The following ROBO1 variants were observed in gnomAD, a reference collection of about 807,000 sequenced individuals.
The protein encoded by ROBO1 is roundabout homolog 1.
In ROBO1, 149 loss-of-function variants were observed where a neutral mutation model predicts 195.9. The observed-to-expected ratio is 0.76, with a 90% confidence interval of 0.67 to 0.87. ROBO1 has a LOEUF of 0.87. ROBO1 is among the 40% of genes least tolerant of loss of function. The pLI is 0.00. For missense variants in ROBO1, 1,933 were observed against 2,068.3 expected (o/e 0.93, Z 1.27); for synonymous variants, 816 against 733.2 (o/e 1.11, Z -1.82).
chr3:79,204,423 T>G (rs1263525662), intron 2 of ROBO1, among the ~76,000 whole-genome samples: 3 of 152,042 alleles, frequency 2.0e-5, no homozygotes, highest in Non-Finnish European at 4.4e-5. Flanking sequence ...GTGTGTAACC[T>G]CCATTCTTTA....
At chr3:78,602,622 G>T (rs1703242756) in intron 29 of ROBO1, among the ~76,000 whole-genome samples, 1 of 151,994 alleles carries the variant, frequency 6.6e-6, no homozygotes, top group African/African-American at 2.4e-5. Flanking sequence ...TGTATGCTTT[G>T]CGTGCTGATA....
chr3:78,712,343 T>A (rs2081783064), intron 8 of ROBO1, among the ~76,000 whole-genome samples: 1 of 152,198 alleles, frequency 6.6e-6, no homozygotes, highest in Non-Finnish European at 1.5e-5. Flanking sequence ...TGAATTTTTT[T>A]AACTGTAATT....
At chr3:79,451,297 G>A (rs1295159326) in intron 2 of ROBO1, among the ~76,000 whole-genome samples, 1 of 152,006 alleles carries the variant, frequency 6.6e-6, no homozygotes, top group Non-Finnish European at 1.5e-5. Context: ...GGGAGATGAA[G>A]CTCAAATGAA....
intron 2 of ROBO1, among the ~76,000 whole-genome samples, chr3:79,231,926 G>C (rs1452695787): frequency 6.6e-6 from 1 of 152,046 alleles, no homozygotes; most frequent in Admixed American, 6.6e-5. Context: ...GACATGGATG[G>C]AACTGGGGGC....
chr3:79,194,282 T>C (rs1465465465), intron 2 of ROBO1, among the ~76,000 whole-genome samples: 1 of 151,730 alleles, frequency 6.6e-6, no homozygotes, highest in Non-Finnish European at 1.5e-5. Context: ...GTATGTACTG[T>C]TGCTCACATT....
chr3:78,915,733 TG>T (rs1324339986), intron 4 of ROBO1, among the ~76,000 whole-genome samples: 1 of 152,098 alleles, frequency 6.6e-6, no homozygotes, highest in Non-Finnish European at 1.5e-5. Context: ...TGGACTGCAG[TG>T]GGATGATCAC....
rs200428614 is a variant in ROBO1, at chr3:78,890,931, T to A, written c.499+47670A>T. Among the ~76,000 whole-genome samples the A allele has an allele frequency of 3.3e-5, 5 of 152,078 alleles. No individual in the cohort carries two copies. The East Asian group carries it at 9.7e-4, about 29-fold the overall frequency. On this transcript the variant is annotated intron_variant, in intron 4 of 30. Coordinates refer to ENST00000464233, the MANE Select transcript of ROBO1 (RefSeq NM_002941.4). ...TGTGTACCACCACGCCCAACTAATG[T>A]TTTTTTAGACATGGAGTCTTGTTAT...
rs184888958 is a variant in ROBO1, at chr3:79,183,624, T to C, written c.89-58085A>G. ...GAAAAAAATAGAAAAGCTGAATTAA[T>C]GTGTGGTCCTTGGGGATGGTTGGGT... On this transcript the variant is annotated intron_variant, in intron 2 of 30. Transcript: ENST00000464233. Among the ~76,000 whole-genome samples, 135 of 152,344 alleles carry C rather than the reference T, an allele frequency of 8.9e-4. 2 individuals carry two copies. Among genetic ancestry groups the C allele is most frequent in the South Asian group, 7.5e-3 (36 of 4,828 alleles).
chr3:79,123,906 A>G (rs1343473151), intron 3 of ROBO1, among the ~76,000 whole-genome samples: 1 of 152,068 alleles, frequency 6.6e-6, no homozygotes, highest in Non-Finnish European at 1.5e-5. Context: ...AATTCTCTTA[A>G]TTCAAGACTC....
At chr3:79,390,949 T>C (rs1199361688) in intron 2 of ROBO1, among the ~76,000 whole-genome samples, 1 of 152,018 alleles carries the variant, frequency 6.6e-6, no homozygotes. Context: ...AAGAACGCTT[T>C]AAGAATACCC....
intron 10 of ROBO1, among the ~76,000 whole-genome samples, chr3:78,675,629 T>C (rs1211343202): frequency 2.6e-5 from 4 of 152,104 alleles, no homozygotes; most frequent in African/African-American, 7.2e-5. Context: ...GGGCCTGCCA[T>C]TGCCGAGTTA....
At chr3:78,734,934 C>G (rs1389899418) in intron 5 of ROBO1, among the ~76,000 whole-genome samples, 1 of 152,086 alleles carries the variant, frequency 6.6e-6, no homozygotes, top group Admixed American at 6.5e-5. Context: ...AAGATATAAG[C>G]ACTTTATAAG....
At chr3:78,734,223 G>GT (rs1391603521) in intron 5 of ROBO1, among the ~76,000 whole-genome samples, 1 of 152,052 alleles carries the variant, frequency 6.6e-6, no homozygotes, top group Non-Finnish European at 1.5e-5. Flanking sequence ...GGCATACTTG[G>GT]TGAGGCAGTC....
chr3:79,299,604 C>T (rs984393061), intron 2 of ROBO1, among the ~76,000 whole-genome samples: 1 of 151,964 alleles, frequency 6.6e-6, no homozygotes, highest in African/African-American at 2.4e-5. Context: ...AAGTGTTTGC[C>T]AATAATATAT....
intron 1 of ROBO1, among the ~76,000 whole-genome samples, chr3:79,615,087 C>T (rs1944778405): frequency 6.6e-6 from 1 of 152,012 alleles, no homozygotes; most frequent in Admixed American, 6.6e-5. Context: ...AGTCAAACAT[C>T]TCTCATTATA....
chr3:79,051,206 T>C (rs755770232), intron 3 of ROBO1, among the ~76,000 whole-genome samples: 21 of 151,596 alleles, frequency 1.4e-4, no homozygotes, highest in Middle Eastern at 3.2e-3. Flanking sequence ...ATAGACACAA[T>C]AAAAAATGAT....
chr3:78,959,729 A>T (rs1047308727), intron 3 of ROBO1, among the ~76,000 whole-genome samples: 1 of 152,216 alleles, frequency 6.6e-6, no homozygotes, highest in African/African-American at 2.4e-5. Flanking sequence ...TCAACAAGAG[A>T]TATATGCCAT....
chr3:78,670,403 T>C, intron 10 of ROBO1, 102 bp from the exon 11 acceptor site: 1 of 939,272 alleles, frequency 1.1e-6, no homozygotes, highest in Non-Finnish European at 1.6e-6. Context: ...AAACTAAAGA[T>C]AATTAAACAA....
intron 3 of ROBO1, among the ~76,000 whole-genome samples, chr3:79,105,817 G>T (rs575302897): frequency 6.6e-6 from 1 of 151,694 alleles, no homozygotes; most frequent in Admixed American, 6.6e-5. Flanking sequence ...CAATTTCAGC[G>T]TAGTGTTGGT....
Sources: gnomAD v4.1 joint callset for allele counts (sites outside exome capture counted in the v4.1 genomes callset) on GRCh38, gnomAD v4.1.1 for gene constraint, MANE v1.5 for transcripts, NCBI Gene and HGNC (gene_info 2026-07-23, HGNC 2026-07-21) for gene names.